The following IGSF11 variants were observed in gnomAD, a reference collection of about 807,000 sequenced individuals.
The protein encoded by IGSF11 is immunoglobulin superfamily member 11, also known as CXADR like 1.
IGSF11 carries 22 observed loss-of-function variants against 41.0 expected under a neutral mutation model. The ratio of observed to expected loss-of-function variants is 0.54; its 90% CI spans 0.38 to 0.77. IGSF11 has a LOEUF of 0.77. IGSF11 is among the 30% of genes least tolerant of loss of function. IGSF11 has a pLI of 0.00. For missense variants in IGSF11, 444 were observed against 530.8 expected (o/e 0.84, Z 1.61); for synonymous variants, 219 against 201.3 (o/e 1.09, Z -0.74).
At chr3:118,930,501 C>A (rs2107534281) in intron 1 of IGSF11, among the ~76,000 whole-genome samples, 1 of 152,306 alleles carries the variant, frequency 6.6e-6, no homozygotes, top group Admixed American at 6.5e-5. Context: ...AAGCTCTTTA[C>A]TATCTTTTGG....
chr3:119,102,891 G>A (rs1399994942), intron 1 of IGSF11, among the ~76,000 whole-genome samples: 1 of 151,834 alleles, frequency 6.6e-6, no homozygotes, highest in Non-Finnish European at 1.5e-5. Context: ...GTCTTAGTAT[G>A]TCTTCTCTGA....
At chr3:119,117,846 G>C (rs967428915) in intron 1 of IGSF11, among the ~76,000 whole-genome samples, 1 of 152,186 alleles carries the variant, frequency 6.6e-6, no homozygotes, top group African/African-American at 2.4e-5. Context: ...GGAAAAATTG[G>C]CTAAAACAAA....
chr3:119,111,004 T>C (rs28821187), intron 1 of IGSF11, among the ~76,000 whole-genome samples: 67,525 of 149,014 alleles, frequency 0.45, 15,241 homozygotes, highest in East Asian at 0.5. Context: ...CCCGACCTTT[T>C]TCTCTGGCTG....
intron 1 of IGSF11, among the ~76,000 whole-genome samples, chr3:119,099,596 T>C (rs1421060676): frequency 6.6e-6 from 1 of 152,138 alleles, no homozygotes; most frequent in African/African-American, 2.4e-5. Context: ...TACACATGAG[T>C]AGAAAATTAC....
intron 1 of IGSF11, among the ~76,000 whole-genome samples, chr3:119,019,832 A>C (rs914603538): frequency 6.6e-6 from 1 of 152,042 alleles, no homozygotes; most frequent in African/African-American, 2.4e-5. Context: ...TTTGTCTCTG[A>C]TTGCTATAGA....
chr3:118,903,039 T>G, intron 6 of IGSF11, 78 bp from the exon 7 acceptor site: 2 of 1,378,812 alleles, frequency 1.5e-6, no homozygotes, highest in South Asian at 2.7e-5. Context: ...ATCTTTCTTT[T>G]CATGTCAGGG....
chr3:118,938,660 T>C (rs902185492), intron 1 of IGSF11, among the ~76,000 whole-genome samples: 8 of 152,166 alleles, frequency 5.3e-5, no homozygotes, highest in African/African-American at 9.7e-5. Flanking sequence ...GTTTATGACA[T>C]AGGATCTTAT....
chr3:118,995,369 T>C (rs1936167989), intron 1 of IGSF11, among the ~76,000 whole-genome samples: 1 of 152,194 alleles, frequency 6.6e-6, no homozygotes, highest in Admixed American at 6.5e-5. Flanking sequence ...GATCACCGTT[T>C]AGCCCCCACA....
chr3:118,932,086 T>C (rs1942908973), intron 1 of IGSF11, among the ~76,000 whole-genome samples: 1 of 152,152 alleles, frequency 6.6e-6, no homozygotes, highest in Non-Finnish European at 1.5e-5. Flanking sequence ...ATATAAATTA[T>C]ATGTCAACAA....
upstream of IGSF11, among the ~76,000 whole-genome samples, chr3:119,108,039 TC>T (rs1437938971): frequency 1.3e-5 from 2 of 151,228 alleles, no homozygotes; most frequent in African/African-American, 4.9e-5. Context: ...CCAGCTTTAT[TC>T]TTTTGGCTTA....
chr3:119,092,179 C>T (rs544923602), intron 1 of IGSF11, among the ~76,000 whole-genome samples: 14 of 151,494 alleles, frequency 9.2e-5, no homozygotes, highest in African/African-American at 2.7e-4. Context: ...GCCCTGTGTT[C>T]GCGCTTGAAG....
rs779910295 is a variant in IGSF11 at position 119,064,511 on chromosome 3, C to CTT, written c.49+40631_49+40632dup. On this transcript the variant is annotated intron_variant, in intron 1 of 6. Coordinates refer to the IGSF11 transcript ENST00000354673. ...TTCTTCTGAGATTGCCTTGGCTGCTCTTTTTTTTTTTTTTTTTTTTTTCCA... is the reference window on the plus strand; with the variant it reads ...TTCTTCTGAGATTGCCTTGGCTGCTCTTTTTTTTTTTTTTTTTTTTTTTTCCA... 9.7e-3 allele frequency among the ~76,000 whole-genome samples: 982 copies of CTT among 101,044 alleles called. 11 individuals carry two copies. The highest frequency in any genetic ancestry group is 0.013 in the Non-Finnish European group (639 of 50,492). The allele number at this position is 101,044 out of a possible 152,430, so 66.3% of individuals were successfully genotyped here.
At chr3:119,026,094 C>A (rs1197972587) in intron 1 of IGSF11, among the ~76,000 whole-genome samples, 1 of 152,076 alleles carries the variant, frequency 6.6e-6, no homozygotes, top group Non-Finnish European at 1.5e-5. Flanking sequence ...CATGGTGAAA[C>A]CCCGTCTCTA....
chr3:119,072,020 T>C (rs1281164555), intron 1 of IGSF11, among the ~76,000 whole-genome samples: 1 of 152,194 alleles, frequency 6.6e-6, no homozygotes, highest in African/African-American at 2.4e-5. Flanking sequence ...GAAATACAAG[T>C]CTTGCACAGG....
intron 1 of IGSF11, among the ~76,000 whole-genome samples, chr3:119,027,435 G>A (rs375082368): frequency 6.6e-4 from 101 of 152,168 alleles, no homozygotes; most frequent in African/African-American, 2.1e-3. Context: ...AATGAGATGC[G>A]AAAGCAGACA....
chr3:119,058,044 T>A (rs1009028417), intron 1 of IGSF11, among the ~76,000 whole-genome samples: 5 of 152,100 alleles, frequency 3.3e-5, no homozygotes, highest in African/African-American at 7.2e-5. Flanking sequence ...AGGCAATACC[T>A]TTCAGGACAT....
At chr3:118,994,972 T>C (rs949376705) in intron 1 of IGSF11, among the ~76,000 whole-genome samples, 4 of 152,108 alleles carry the variant, frequency 2.6e-5, no homozygotes, top group East Asian at 1.9e-4. Context: ...GGTTATGTAA[T>C]AGAAAAGCGG....
At position 119,127,324 on chromosome 3, in the gene IGSF11, TA is replaced by T. The variant is rs111809690; in HGVS notation, c.-14+18488del. ...TGAAATAAGACATGCAGACAAGAAT[TA>T]AAAAAAAAAATGAAAAGGAATGAAA... On this transcript the variant is annotated intron_variant, in intron 1 of 7. Coordinates refer to the IGSF11 transcript ENST00000425327. 8.2e-3 allele frequency among the ~76,000 whole-genome samples: 1,169 copies of T among 142,556 alleles called. 16 individuals carry two copies. The highest frequency in any genetic ancestry group is 0.027 in the African/African-American group (1,055 of 39,030). The allele number at this position is 142,556 out of a possible 152,430, so 93.5% of individuals were successfully genotyped here. A position where few individuals can be genotyped will look rare whatever the true frequency, so the allele number is the denominator to read the frequency against.
chr3:119,116,149 T>C (rs2077253183), intron 1 of IGSF11, among the ~76,000 whole-genome samples: 1 of 152,254 alleles, frequency 6.6e-6, no homozygotes, highest in African/African-American at 2.4e-5. Flanking sequence ...AGCATTTGAA[T>C]TGGTGGACTC....
Sources: allele counts gnomAD v4.1 joint callset (sites outside exome capture counted in the v4.1 genomes callset), GRCh38; gene constraint gnomAD v4.1.1; transcripts MANE v1.5; gene names NCBI Gene and HGNC (gene_info 2026-07-23, HGNC 2026-07-21).